The following SLC12A8 variants were observed in gnomAD, a reference collection of about 807,000 sequenced individuals.
SLC12A8 encodes cation-chloride cotransporter 9.
SLC12A8 carries 69 observed loss-of-function variants against 75.6 expected under a neutral mutation model. That is an observed-to-expected ratio of 0.91 (90% CI 0.75 to 1.11). The LOEUF is 1.11. SLC12A8 is among the 50% of genes most tolerant of loss of function. The probability of loss-of-function intolerance (pLI) is 0.00; values close to 1 mark genes in which losing one functional copy is unlikely to be tolerated. For missense variants in SLC12A8, 877 were observed against 896.7 expected (o/e 0.98, Z 0.28); for synonymous variants, 365 against 372.8 (o/e 0.98, Z 0.24).
rs150109181 is a variant in SLC12A8, at chr3:125,094,633, A to C, written c.1706-2435T>G. Among the ~76,000 whole-genome samples, 109 of 152,238 alleles carry C rather than the reference A, an allele frequency of 7.2e-4. 1 individual carries two copies. Among genetic ancestry groups the C allele is most frequent in the African/African-American group, 2.6e-3 (106 of 41,520 alleles). On this transcript the variant is annotated intron_variant, in intron 10 of 13. Transcript: ENST00000469902. ...TCCCCTACTGAATCATTCCCAACAA[A>C]TACAAATATACTGTCTTCTCTCCCA...
At chr3:125,203,544 G>C (rs1372418024) in intron 2 of SLC12A8, among the ~76,000 whole-genome samples, 1 of 152,150 alleles carries the variant, frequency 6.6e-6, no homozygotes, top group African/African-American at 2.4e-5. Flanking sequence ...ACATGCAGAA[G>C]AATGAAACTA....
chr3:125,165,558 T>G (rs1230996913), intron 5 of SLC12A8, among the ~76,000 whole-genome samples: 2 of 152,190 alleles, frequency 1.3e-5, no homozygotes, highest in African/African-American at 4.8e-5. Context: ...CTGCTGGCTC[T>G]TCATCTCAGG....
intron 5 of SLC12A8, among the ~76,000 whole-genome samples, chr3:125,153,867 G>C (rs1933989430): frequency 6.6e-6 from 1 of 152,176 alleles, no homozygotes; most frequent in African/African-American, 2.4e-5. Context: ...TTGGCCTTGA[G>C]CTCTGGACTA....
In SLC12A8 at chr3:125,108,745, G is replaced by C. The variant is rs147359341; in HGVS notation, c.1060-619C>G. 1.5e-3 allele frequency among the ~76,000 whole-genome samples: 226 copies of C among 152,242 alleles called. 1 individual carries two copies. Among genetic ancestry groups the C allele is most frequent in the Non-Finnish European group, 1.5e-3 (104 of 68,014 alleles). On this transcript the variant is annotated intron_variant, in intron 9 of 13. Transcript: ENST00000469902. ...ATATTTCCTCCTTTTGTCTTTCATTGGGTTTTAATACCAGCATAGAAAATC... is the reference window on the plus strand; with the variant it reads ...ATATTTCCTCCTTTTGTCTTTCATTCGGTTTTAATACCAGCATAGAAAATC...
chr3:125,135,361 G>T (rs763235414), intron 6 of SLC12A8, among the ~76,000 whole-genome samples: 1 of 152,140 alleles, frequency 6.6e-6, no homozygotes, highest in Non-Finnish European at 1.5e-5. Flanking sequence ...TGAACAAAAG[G>T]TGTCAATGTA....
intron 8 of SLC12A8, among the ~76,000 whole-genome samples, chr3:125,116,814 C>T (rs1939322256): frequency 6.6e-6 from 1 of 152,228 alleles, no homozygotes; most frequent in Non-Finnish European, 1.5e-5. Context: ...GAGCAGGAAG[C>T]ATTTCCCTCG....
rs181811435 is a variant in SLC12A8 at position 125,197,822 on chromosome 3, T to C, written c.52-7301A>G. Among the ~76,000 whole-genome samples the C allele has an allele frequency of 1.9e-4, 29 of 152,278 alleles. No individual in the cohort carries two copies. In the East Asian group the frequency reaches 4.2e-3, roughly 22 times the overall value. Reference sequence around the variant, plus strand: ...GAATTATGGGGTTAGAAAATCACCATTTTGCAGCCATCACAGCAATAGCCA... The same window carrying C: ...GAATTATGGGGTTAGAAAATCACCACTTTGCAGCCATCACAGCAATAGCCA... On this transcript the variant is annotated intron_variant, in intron 2 of 13. Coordinates refer to ENST00000469902, the MANE Select transcript of SLC12A8 (RefSeq NM_024628.6).
At chr3:125,148,972 G>A (rs541367211) in intron 5 of SLC12A8, among the ~76,000 whole-genome samples, 1 of 152,194 alleles carries the variant, frequency 6.6e-6, no homozygotes, top group African/African-American at 2.4e-5. Context: ...CCAGCAGCGG[G>A]GGGGCACAGG....
At chr3:125,151,358 G>C (rs1002747558) in intron 5 of SLC12A8, 2 of 154,184 alleles carry the variant, frequency 1.3e-5, no homozygotes, top group African/African-American at 4.8e-5. Context: ...CATAAAAATG[G>C]TTGAGAGGCT....
chr3:125,083,844 A>G lies in SLC12A8; in HGVS notation c.*46T>C, dbSNP rs1938389771. 1 of 1,575,260 alleles carries G rather than the reference A, an allele frequency of 6.3e-7. No homozygotes were observed. The highest frequency in any genetic ancestry group is 8.6e-7 in the Non-Finnish European group (1 of 1,157,834). ...CCACGAAGGTCCTGAGCTTGGGTCC[A>G]CTGTACATGGGACAGCTCCAAAAGA... On this transcript the variant is annotated 3_prime_UTR_variant, in exon 14 of 14. Transcript: ENST00000469902.
chr3:125,161,136 C>T (rs1934159158), intron 5 of SLC12A8, among the ~76,000 whole-genome samples: 1 of 152,200 alleles, frequency 6.6e-6, no homozygotes, highest in South Asian at 2.1e-4. Context: ...CGGCAGGGCT[C>T]ATAACAATGT....
intron 11 of SLC12A8, 79 bp from the exon 12 acceptor site, chr3:125,091,635 G>T: frequency 1.1e-6 from 1 of 889,224 alleles, no homozygotes. Flanking sequence ...AATGTCTTCA[G>T]CAACAACATT....
intron 8 of SLC12A8, among the ~76,000 whole-genome samples, chr3:125,116,056 G>A (rs914827934): frequency 3.9e-5 from 6 of 152,194 alleles, no homozygotes; most frequent in African/African-American, 1.4e-4. Flanking sequence ...CCAATCTACT[G>A]CCTGAGCACG....
chr3:125,114,801 G>A (rs1341365933), intron 8 of SLC12A8, among the ~76,000 whole-genome samples: 1 of 152,100 alleles, frequency 6.6e-6, no homozygotes, highest in Non-Finnish European at 1.5e-5. Flanking sequence ...CAAGCCCCAG[G>A]GCTCCTAAGG....
chr3:125,120,581 G>A lies in SLC12A8; in HGVS notation c.824+18C>T, dbSNP rs1053579142. 6.3e-7 allele frequency: 1 copy of A among 1,587,606 alleles called. No homozygotes were observed. The highest frequency in any genetic ancestry group is 1.3e-5 in the African/African-American group (1 of 74,384). The stretch of plus-strand genomic sequence containing the variant: ...TCCCACTCTCTAGCTCAGACTGATT[G>A]CCATGAGGGGAACTTACGAGATGCC... On this transcript the variant is annotated intron_variant, in intron 7 of 13. Transcript: ENST00000469902.
chr3:125,091,418 C>G, intron 12 of SLC12A8, 21 bp downstream of exon 12: 3 of 1,556,626 alleles, frequency 1.9e-6, no homozygotes, highest in Non-Finnish European at 2.7e-6. Context: ...GAACCAGTGG[C>G]AAAATGGCTC....
chr3:125,087,610 C>A (rs189785304), intron 13 of SLC12A8, among the ~76,000 whole-genome samples: 5 of 152,098 alleles, frequency 3.3e-5, no homozygotes, highest in Admixed American at 2.6e-4. Flanking sequence ...TCCTAGCCTG[C>A]AGCTCTAGCT....
At chr3:125,203,234 CT>C (rs1324081070) in intron 2 of SLC12A8, among the ~76,000 whole-genome samples, 2 of 151,052 alleles carry the variant, frequency 1.3e-5, no homozygotes, top group African/African-American at 4.9e-5. Flanking sequence ...AAAAAAAACC[CT>C]AAAATTTGTA....
At chr3:125,133,035 G>T (rs1005199450) in intron 6 of SLC12A8, among the ~76,000 whole-genome samples, 2 of 152,158 alleles carry the variant, frequency 1.3e-5, no homozygotes, top group African/African-American at 4.8e-5. Context: ...TGGTGAAAGA[G>T]CCATGTCATT....
Sources: allele counts gnomAD v4.1 joint callset (sites outside exome capture counted in the v4.1 genomes callset), GRCh38; gene constraint gnomAD v4.1.1; transcripts MANE v1.5; gene names NCBI Gene and HGNC (gene_info 2026-07-23, HGNC 2026-07-21).